The following HTR1E variants were observed in gnomAD, a reference collection of about 807,000 sequenced individuals.
HTR1E encodes 5-HT-1E.
Under a neutral mutation model 3.4 loss-of-function variants are expected in HTR1E, and 3 were observed. The ratio of observed to expected loss-of-function variants is 0.89; its 90% CI spans 0.41 to 2.31. The LOEUF is 2.31. Among genes scored for constraint, HTR1E ranks in the 30% most tolerant of loss-of-function variants. HTR1E has a pLI of 0.05. For missense variants in HTR1E, 392 were observed against 467.0 expected, an observed-to-expected ratio of 0.84 and a Z score of 1.48; for synonymous variants, 170 against 182.8, an observed-to-expected ratio of 0.93 and a Z score of 0.56.
chr6:87,015,262 G>C lies in HTR1E; in HGVS notation c.-73G>C. 1 of 1,336,552 alleles carries C rather than the reference G, an allele frequency of 7.5e-7. No homozygotes were observed. Among genetic ancestry groups the C allele is most frequent in the South Asian group, 2.0e-5 (1 of 50,334 alleles). The allele number at this position is 1,336,552 out of a possible 1,614,324, so 82.8% of individuals were successfully genotyped here. A position where few individuals can be genotyped will look rare whatever the true frequency, so the allele number is the denominator to read the frequency against. ...GCCTCCTTACAAGTGAGAAACCTTC[G>C]AGGCTACATAGTTTTCAGCCAAAGG... On this transcript the variant is annotated 5_prime_UTR_variant, in exon 2 of 2. Coordinates refer to ENST00000305344, the MANE Select transcript of HTR1E (RefSeq NM_000865.3).
At chr6:86,992,315 T>C (rs1767880030) in intron 1 of HTR1E, among the ~76,000 whole-genome samples, 1 of 152,230 alleles carries the variant, frequency 6.6e-6, no homozygotes, top group African/African-American at 2.4e-5. Context: ...CATCTTTCTA[T>C]AGAAACATAG....
chr6:86,943,069 A>C (rs556675494), intron 1 of HTR1E, among the ~76,000 whole-genome samples: 1 of 152,328 alleles, frequency 6.6e-6, no homozygotes, highest in South Asian at 2.1e-4. Flanking sequence ...TCTCAGACTT[A>C]TGTACCATTA....
chr6:86,953,720 T>C (rs1767280448), intron 1 of HTR1E, among the ~76,000 whole-genome samples: 1 of 152,310 alleles, frequency 6.6e-6, no homozygotes, highest in South Asian at 2.1e-4. Context: ...ATTAGTCTGT[T>C]CTCACATTGC....
intron 1 of HTR1E, among the ~76,000 whole-genome samples, chr6:86,951,469 T>C (rs749268947): frequency 1.1e-4 from 16 of 152,206 alleles, no homozygotes; most frequent in African/African-American, 2.7e-4. Flanking sequence ...TAAATCTAAA[T>C]TGATATTTTT....
chr6:86,997,378 A>G (rs1360467797), intron 1 of HTR1E, among the ~76,000 whole-genome samples: 3 of 148,792 alleles, frequency 2.0e-5, no homozygotes, highest in African/African-American at 7.6e-5. Flanking sequence ...GAGAAGACAT[A>G]CATATGAGAA....
At chr6:86,951,761 T>C (rs62440829) in intron 1 of HTR1E, among the ~76,000 whole-genome samples, 5,566 of 152,234 alleles carry the variant, frequency 0.037, 107 homozygotes, top group Middle Eastern at 0.058. Flanking sequence ...TATTGAAATA[T>C]CCCCTAAGAA....
At chr6:86,990,513 A>G (rs1236414555) in intron 1 of HTR1E, among the ~76,000 whole-genome samples, 7 of 152,194 alleles carry the variant, frequency 4.6e-5, no homozygotes, top group Non-Finnish European at 8.8e-5. Flanking sequence ...GAACTAACTG[A>G]AAGAGTTCCC....
At chr6:86,939,167 C>G (rs862420) in intron 1 of HTR1E, among the ~76,000 whole-genome samples, 25,239 of 152,130 alleles carry the variant, frequency 0.17, 2,345 homozygotes, top group Admixed American at 0.25. Flanking sequence ...GCATTTGAGG[C>G]CCATTTAACA....
intron 1 of HTR1E, among the ~76,000 whole-genome samples, chr6:87,009,854 C>CCCGGACGGGGCGGCTGG (rs1297414560): frequency 1.6e-5 from 2 of 122,096 alleles, no homozygotes; most frequent in Non-Finnish European, 3.3e-5. Context: ...CCACCTCCCT[C>CCCGGACGGGGCGGCTGG]CCGGACGGGG....
chr6:86,939,445 A>G (rs77532635), intron 1 of HTR1E, among the ~76,000 whole-genome samples: 129 of 152,320 alleles, frequency 8.5e-4, no homozygotes, highest in Middle Eastern at 3.4e-3. Context: ...GAACTTAACT[A>G]TTGTGTCATC....
intron 1 of HTR1E, among the ~76,000 whole-genome samples, chr6:86,974,840 A>G (rs73753631): frequency 0.065 from 9,887 of 152,218 alleles, 438 homozygotes; most frequent in East Asian, 0.12. Context: ...TGAAATTGAC[A>G]AGATTTGGCC....
chr6:87,015,952 C>T lies in HTR1E; in HGVS notation c.618C>T (p.Tyr206=). 6.2e-7 allele frequency: 1 copy of T among 1,614,142 alleles called. No individual in the cohort carries two copies. Among genetic ancestry groups the T allele is most frequent in the Non-Finnish European group, 8.5e-7 (1 of 1,180,012 alleles). ...TLILILYYRI[Y]HAAKSLYQKR... ...TACTGATTCTCTATTACCGGATTTA[C>T]CACGCGGCCAAGAGCCTTTACCAGA... The change falls in exon 2 of 2, where the codon TAC becomes TAT. Residue 206 remains tyrosine (Y), a synonymous_variant. Coordinates refer to ENST00000305344, the MANE Select transcript of HTR1E (RefSeq NM_000865.3).
At chr6:87,009,206 C>T (rs865925715) in intron 1 of HTR1E, among the ~76,000 whole-genome samples, 3 of 150,010 alleles carry the variant, frequency 2.0e-5, no homozygotes, top group Non-Finnish European at 4.4e-5. Flanking sequence ...GAGGACCCTG[C>T]GGCCTTCCGC....
intron 1 of HTR1E, among the ~76,000 whole-genome samples, chr6:86,956,217 C>T (rs1267566770): frequency 6.6e-6 from 1 of 152,170 alleles, no homozygotes; most frequent in Non-Finnish European, 1.5e-5. Context: ...GAGAAATCTA[C>T]ATTCTATAAA....
chr6:87,003,695 A>G (rs1768057688), intron 1 of HTR1E, among the ~76,000 whole-genome samples: 1 of 152,138 alleles, frequency 6.6e-6, no homozygotes. Context: ...CAACCTAATA[A>G]TATGTCTTAT....
At chr6:87,014,873 C>T (rs1768293988) in intron 1 of HTR1E, among the ~76,000 whole-genome samples, 1 of 151,970 alleles carries the variant, frequency 6.6e-6, no homozygotes, top group Non-Finnish European at 1.5e-5. Context: ...TTGTTGGGTG[C>T]AGCAAACCAC....
At chr6:86,955,337 T>C (rs1197272370) in intron 1 of HTR1E, among the ~76,000 whole-genome samples, 1 of 152,066 alleles carries the variant, frequency 6.6e-6, no homozygotes, top group South Asian at 2.1e-4. Flanking sequence ...GACGCCTGCA[T>C]GCGGTAGCAC....
chr6:87,009,941 C>A (rs1221650463), intron 1 of HTR1E, among the ~76,000 whole-genome samples: 1 of 127,636 alleles, frequency 7.8e-6, no homozygotes, highest in Admixed American at 7.3e-5. Context: ...GGGCTCCTCA[C>A]TTCCCAGTAG....
intron 1 of HTR1E, among the ~76,000 whole-genome samples, chr6:86,978,329 A>T (rs1767667102): frequency 6.6e-6 from 1 of 152,190 alleles, no homozygotes; most frequent in African/African-American, 2.4e-5. Context: ...ACTGTTATAT[A>T]GGTAGAGGAG....
Sources: allele counts gnomAD v4.1 joint callset (sites outside exome capture counted in the v4.1 genomes callset), GRCh38; gene constraint gnomAD v4.1.1; transcripts MANE v1.5; gene names NCBI Gene and HGNC (gene_info 2026-07-23, HGNC 2026-07-21).